Variants in IL23R observed in about 807,000 individuals in gnomAD.
IL23R encodes interleukin 23 receptor, also known as interleukin-23 receptor.
IL23R carries 34 observed loss-of-function variants against 56.9 expected under a neutral mutation model. That is an observed-to-expected ratio of 0.60 (90% confidence interval 0.45 to 0.80). The LOEUF (loss-of-function observed/expected upper bound fraction) is 0.80. IL23R is among the 30% of genes least tolerant of loss of function. The probability of loss-of-function intolerance (pLI) is 0.00; values close to 1 mark genes in which losing one functional copy is unlikely to be tolerated. For synonymous variants in IL23R, 230 were observed against 249.2 expected (o/e 0.92, Z 0.73); for missense variants, 635 against 730.0 (o/e 0.87, Z 1.50).
At chr1:67,261,186 G>A (rs1183777691), downstream of IL23R, among the ~76,000 whole-genome samples, 1 of 149,996 alleles carries the variant, frequency 6.7e-6, no homozygotes. Context: ...TCTGTCCATT[G>A]TCCTATTGTT....
chr1:67,172,947 A>G (rs565160692), intron 3 of IL23R, among the ~76,000 whole-genome samples: 4 of 152,314 alleles, frequency 2.6e-5, no homozygotes, highest in African/African-American at 9.6e-5. Flanking sequence ...GTTAAATGCT[A>G]GAAGTACAAA....
At chr1:67,167,657 G>C (rs760755253) in intron 1 of IL23R, among the ~76,000 whole-genome samples, 4 of 152,160 alleles carry the variant, frequency 2.6e-5, no homozygotes, top group Non-Finnish European at 4.4e-5. Flanking sequence ...CCAGGAGTTT[G>C]AGGTTACAGT....
chr1:67,246,863 T>G (rs1029390809), intron 9 of IL23R, among the ~76,000 whole-genome samples: 3 of 152,204 alleles, frequency 2.0e-5, no homozygotes, highest in African/African-American at 7.2e-5. Context: ...GTCCTGGATA[T>G]CCTTGTTAAT....
upstream of IL23R, among the ~76,000 whole-genome samples, chr1:67,163,890 A>G (rs1026562520): frequency 6.6e-6 from 1 of 152,214 alleles, no homozygotes; most frequent in African/African-American, 2.4e-5. Context: ...ATGGTAACAC[A>G]AGAACAGTCT....
chr1:67,198,014 A>G (rs1032181106), intron 4 of IL23R, among the ~76,000 whole-genome samples: 4 of 152,176 alleles, frequency 2.6e-5, no homozygotes, highest in African/African-American at 9.7e-5. Flanking sequence ...GTTTTATTTC[A>G]GCTCACAGTT....
chr1:67,172,349 GAC>G (rs1309046634), intron 3 of IL23R, among the ~76,000 whole-genome samples: 14 of 152,080 alleles, frequency 9.2e-5, no homozygotes, highest in Non-Finnish European at 1.5e-5. Context: ...AATTGTAAAA[GAC>G]AAGATAAATG....
intron 3 of IL23R, among the ~76,000 whole-genome samples, chr1:67,172,983 A>C (rs1042838433): frequency 6.6e-6 from 1 of 152,196 alleles, no homozygotes; most frequent in African/African-American, 2.4e-5. Flanking sequence ...GACTGTTTTC[A>C]AGAAGTTCTC....
chr1:67,196,988 T>C (rs754139196), intron 4 of IL23R, among the ~76,000 whole-genome samples: 1 of 152,128 alleles, frequency 6.6e-6, no homozygotes, highest in Non-Finnish European at 1.5e-5. Flanking sequence ...AAGCTCCCAG[T>C]GAGGGCACAG....
intron 3 of IL23R, among the ~76,000 whole-genome samples, chr1:67,170,796 A>G (rs1003741476): frequency 2.0e-5 from 3 of 152,238 alleles, no homozygotes; most frequent in South Asian, 2.1e-4. Context: ...GACCCATATC[A>G]CCACTACCAC....
the IL23R span, among the ~76,000 whole-genome samples, chr1:67,265,398 T>C: frequency 1.8e-3 from 273 of 152,338 alleles, 3 homozygotes; most frequent in East Asian, 0.035. Flanking sequence ...ATGAGGTTTT[T>C]CCTAGTATTT....
chr1:67,217,970 T>C (rs1282938285), intron 6 of IL23R, among the ~76,000 whole-genome samples: 1 of 151,978 alleles, frequency 6.6e-6, no homozygotes, highest in East Asian at 1.9e-4. Flanking sequence ...TTCACCTAGT[T>C]GTTGCATAAA....
chr1:67,168,034 C>A, intron 1 of IL23R, 58 bp from the exon 2 acceptor site: 1 of 965,672 alleles, frequency 1.0e-6, no homozygotes, highest in Non-Finnish European at 1.7e-6. Flanking sequence ...AAATGTTATG[C>A]TTTTTATTAT....
chr1:67,204,067 T>C (rs1400223540), intron 5 of IL23R, among the ~76,000 whole-genome samples: 1 of 152,232 alleles, frequency 6.6e-6, no homozygotes, highest in African/African-American at 2.4e-5. Context: ...ATTGATACTT[T>C]TTTTTTCTTT....
chr1:67,168,811 T>C (rs1646904034), intron 2 of IL23R, among the ~76,000 whole-genome samples: 1 of 152,132 alleles, frequency 6.6e-6, no homozygotes, highest in Non-Finnish European at 1.5e-5. Flanking sequence ...TTTAGACACT[T>C]AGAGAAGCTT....
chr1:67,219,181 A>G (rs1226311892), intron 6 of IL23R, among the ~76,000 whole-genome samples: 1 of 152,150 alleles, frequency 6.6e-6, no homozygotes. Context: ...AGCCTGGCCA[A>G]CATGATGATA....
At chr1:67,140,896 T>C (rs1244745422) in intron 1 of IL23R, among the ~76,000 whole-genome samples, 1 of 152,190 alleles carries the variant, frequency 6.6e-6, no homozygotes, top group Non-Finnish European at 1.5e-5. Flanking sequence ...TTTAGAGATA[T>C]TAAATATTCT....
intron 9 of IL23R, among the ~76,000 whole-genome samples, chr1:67,252,702 G>T (rs937146412): frequency 6.6e-6 from 1 of 151,702 alleles, no homozygotes; most frequent in Non-Finnish European, 1.5e-5. Context: ...CCAATTTAAA[G>T]GAGTTTAATT....
intron 4 of IL23R, among the ~76,000 whole-genome samples, chr1:67,186,470 C>T (rs2102594122): frequency 6.6e-6 from 1 of 152,248 alleles, no homozygotes; most frequent in South Asian, 2.1e-4. Context: ...AAAATCACAT[C>T]CATGAGCAGT....
At chr1:67,194,094 G>A (rs1647940454) in intron 4 of IL23R, among the ~76,000 whole-genome samples, 3 of 152,168 alleles carry the variant, frequency 2.0e-5, no homozygotes, top group South Asian at 4.1e-4. Context: ...TGGAAGAGAT[G>A]CATGGGGCAA....
Sources: allele counts gnomAD v4.1 joint callset (sites outside exome capture counted in the v4.1 genomes callset), GRCh38; gene constraint gnomAD v4.1.1; transcripts MANE v1.5; gene names NCBI Gene and HGNC (gene_info 2026-07-23, HGNC 2026-07-21).